The following JHY variants were observed in gnomAD, a reference collection of about 807,000 sequenced individuals.
JHY encodes jhy protein homolog.
In JHY, 69 loss-of-function variants were observed where a neutral mutation model predicts 78.0. That is an observed-to-expected ratio of 0.88 (90% CI 0.73 to 1.08). JHY has a LOEUF of 1.08. JHY is among the 50% of genes least tolerant of loss of function. The probability of loss-of-function intolerance (pLI) is 0.00; values close to 1 mark genes in which losing one functional copy is unlikely to be tolerated. For synonymous variants in JHY, 368 were observed against 342.6 expected (o/e 1.07, Z -0.82); for missense variants, 944 against 927.8 (o/e 1.02, Z -0.23).
chr11:122,923,836 C>A (rs1211368916), intron 3 of JHY, among the ~76,000 whole-genome samples: 1 of 151,320 alleles, frequency 6.6e-6, no homozygotes, highest in Non-Finnish European at 1.5e-5. Flanking sequence ...TCTGCCTCAG[C>A]CTTCCGAGTA....
At chr11:122,888,542 T>C (rs1862544987) in intron 2 of JHY, among the ~76,000 whole-genome samples, 1 of 152,180 alleles carries the variant, frequency 6.6e-6, no homozygotes, top group African/African-American at 2.4e-5. Flanking sequence ...GATGCTGTTT[T>C]TTTTTTTAAT....
At position 122,906,771 on chromosome 11, in the gene JHY, T is replaced by C. The variant is rs575719053; in HGVS notation, c.864+2327T>C. Reference sequence around the variant, plus strand: ...ACTAAACAATTTTAGGGTGTATTGATTGTCAGTGATTCCACAGCTGAATTT... The same window carrying C: ...ACTAAACAATTTTAGGGTGTATTGACTGTCAGTGATTCCACAGCTGAATTT... On this transcript the variant is annotated intron_variant, in intron 3 of 8. Coordinates refer to ENST00000227349, the MANE Select transcript of JHY (RefSeq NM_024806.4). Among the ~76,000 whole-genome samples the C allele has an allele frequency of 2.6e-5, 4 of 152,334 alleles. No individual in the cohort carries two copies. The East Asian group carries it at 7.7e-4, about 29-fold the overall frequency.
At chr11:122,959,055 A>G (rs996582110) in intron 8 of JHY, 193 bp from the exon 9 acceptor site, 1 of 969,262 alleles carries the variant, frequency 1.0e-6, no homozygotes, top group Non-Finnish European at 1.2e-6. Flanking sequence ...TCCACAATAT[A>G]TTGTTTTGTG....
intron 3 of JHY, among the ~76,000 whole-genome samples, chr11:122,910,114 C>T (rs1672787041): frequency 6.6e-6 from 1 of 151,946 alleles, no homozygotes; most frequent in Admixed American, 6.6e-5. Context: ...GGACACTTTC[C>T]ATGAACTATG....
At chr11:122,933,555 G>C (rs4293127) in intron 4 of JHY, among the ~76,000 whole-genome samples, 72,636 of 152,024 alleles carry the variant, frequency 0.48, 17,621 homozygotes, top group Middle Eastern at 0.54. Context: ...AAAGACTGTT[G>C]TGAAATTGAA....
chr11:122,935,134 A>G lies in JHY; in HGVS notation c.1634+59A>G. 1 of 1,427,888 alleles carries G rather than the reference A, an allele frequency of 7.0e-7. No homozygotes were observed. Among genetic ancestry groups the G allele is most frequent in the Non-Finnish European group, 9.4e-7 (1 of 1,061,876 alleles). 88.5% of individuals were successfully genotyped at this position (1,427,888 alleles called of 1,614,324 possible). A position where few individuals can be genotyped will look rare whatever the true frequency, so the allele number is the denominator to read the frequency against. ...AGGAGAAAGGAGAGACTGCTGCAGAAAGACGGGAGAGGAAGAAGGGGAAGG... is the reference window on the plus strand; with the variant it reads ...AGGAGAAAGGAGAGACTGCTGCAGAGAGACGGGAGAGGAAGAAGGGGAAGG... On this transcript the variant is annotated intron_variant, in intron 5 of 8. Transcript: ENST00000227349. This position sits in a 1 kb window ranked among gnomAD's most constrained non-coding sequence, Gnocchi z 4.5.
chr11:122,946,800 A>C lies in JHY; in HGVS notation c.1929+8A>C, dbSNP rs778324806. ...AAAAGAAGCAGCAGTAAGGTAATAA[A>C]AGCGCCATTTTTACCAAGTAACTCT... On this transcript the variant is annotated splice_region_variant and intron_variant, in intron 6 of 8. Coordinates refer to ENST00000227349, the MANE Select transcript of JHY (RefSeq NM_024806.4). The C allele has an allele frequency of 6.3e-7, 1 of 1,596,958 alleles. No individual in the cohort carries two copies. Among genetic ancestry groups the C allele is most frequent in the Non-Finnish European group, 8.5e-7 (1 of 1,174,524 alleles).
At chr11:122,912,811 G>A (rs1484014205) in intron 3 of JHY, among the ~76,000 whole-genome samples, 1 of 151,922 alleles carries the variant, frequency 6.6e-6, no homozygotes, top group Non-Finnish European at 1.5e-5. Flanking sequence ...ATCTATATAT[G>A]GAGGAAGCAA....
intron 3 of JHY, among the ~76,000 whole-genome samples, chr11:122,920,138 G>C (rs984750783): frequency 1.3e-5 from 2 of 152,110 alleles, no homozygotes; most frequent in African/African-American, 4.8e-5. Context: ...GGTGTGAATC[G>C]ACACACAGCA....
chr11:122,933,447 T>C lies in JHY; in HGVS notation c.979-973T>C, dbSNP rs77423804. Among the ~76,000 whole-genome samples, 1,096 of 152,384 alleles carry C rather than the reference T, an allele frequency of 7.2e-3. 4 individuals are homozygous for C. Among genetic ancestry groups the C allele is most frequent in the Non-Finnish European group, 0.012 (830 of 68,038 alleles). ...CACGAAGTAATGAGTGCTTTATTCC[T>C]TGGAAAATATTTCTAAATGGCAATA... On this transcript the variant is annotated intron_variant, in intron 4 of 8. Coordinates refer to ENST00000227349, the MANE Select transcript of JHY (RefSeq NM_024806.4).
At chr11:122,957,811 T>TCTCACACACACACACACA (rs1555062665) in intron 8 of JHY, among the ~76,000 whole-genome samples, 2 of 149,712 alleles carry the variant, frequency 1.3e-5, no homozygotes, top group African/African-American at 4.9e-5. Context: ...ACACACACAG[T>TCTCACACACACACACACA]CACACACACA....
intron 2 of JHY, among the ~76,000 whole-genome samples, chr11:122,887,119 CA>C (rs1438366292): frequency 1.3e-5 from 2 of 152,196 alleles, no homozygotes; most frequent in African/African-American, 4.8e-5. Context: ...GTGTCTGAAG[CA>C]GACCATTTGG....
At chr11:122,944,710 T>A (rs1281790007) in intron 5 of JHY, among the ~76,000 whole-genome samples, 1 of 152,188 alleles carries the variant, frequency 6.6e-6, no homozygotes, top group Non-Finnish European at 1.5e-5. Flanking sequence ...CCTTTAGAAG[T>A]TCTTTTAGCA....
rs960882641 is a variant in JHY at position 122,917,230 on chromosome 11, C to G, written c.865-7667C>G. On this transcript the variant is annotated intron_variant, in intron 3 of 8. Coordinates refer to ENST00000227349, the MANE Select transcript of JHY (RefSeq NM_024806.4). The surrounding 1 kb of genome is among the most constrained non-coding windows in gnomAD (Gnocchi z 4.1). ...AAGTACCAAGGTGTACTAGAGAGAG[C>G]CTAGCAGCCGTAAGCATTTAGCTAT... 6.6e-6 allele frequency among the ~76,000 whole-genome samples: 1 copy of G among 152,100 alleles called. No individual in the cohort carries two copies. Among genetic ancestry groups the G allele is most frequent in the Non-Finnish European group, 1.5e-5 (1 of 68,018 alleles).
At chr11:122,942,156 G>C (rs1863887178) in intron 5 of JHY, among the ~76,000 whole-genome samples, 1 of 152,136 alleles carries the variant, frequency 6.6e-6, no homozygotes, top group South Asian at 2.1e-4. Context: ...ACAGGCGTGA[G>C]CCACCGCACC....
rs1305295135 is a variant in JHY, at chr11:122,963,786, A to G, written c.*4341A>G. Among the ~76,000 whole-genome samples the G allele has an allele frequency of 2.0e-5, 3 of 152,216 alleles. No homozygotes were observed. Among genetic ancestry groups the G allele is most frequent in the African/African-American group, 4.8e-5 (2 of 41,466 alleles). On this transcript the variant is annotated 3_prime_UTR_variant, in exon 9 of 9. Transcript: ENST00000227349. ...GCACCTGTATTTGACTAGATGTTAT[A>G]TACATGCCATTGAAAGACATAGTAC...
intron 2 of JHY, among the ~76,000 whole-genome samples, chr11:122,899,520 A>C (rs1862803507): frequency 6.6e-6 from 1 of 152,194 alleles, no homozygotes; most frequent in Admixed American, 6.5e-5. Context: ...ATAAATATTT[A>C]TGCTGTATTT....
At chr11:122,910,991 C>T (rs1863109223) in intron 3 of JHY, among the ~76,000 whole-genome samples, 1 of 152,190 alleles carries the variant, frequency 6.6e-6, no homozygotes, top group African/African-American at 2.4e-5. Context: ...ACCTAAGTAT[C>T]ACGGTCAGGC....
intron 2 of JHY, among the ~76,000 whole-genome samples, chr11:122,888,063 T>C (rs1166312346): frequency 2.0e-5 from 3 of 152,166 alleles, no homozygotes; most frequent in African/African-American, 7.2e-5. Context: ...CCCCTTTTTT[T>C]CACTGGGGCT....
Sources: gnomAD v4.1 joint callset for allele counts (sites outside exome capture counted in the v4.1 genomes callset) on GRCh38, gnomAD v4.1.1 for gene constraint, Gnocchi (gnomAD v3.1) non-coding constraint, MANE v1.5 for transcripts, NCBI Gene and HGNC (gene_info 2026-07-23, HGNC 2026-07-21) for gene names.